Variants in SLC2A9 observed in about 807,000 individuals in gnomAD.
SLC2A9 encodes solute carrier family 2 member 9.
Under a neutral mutation model 50.6 loss-of-function variants are expected in SLC2A9, and 39 were observed. The observed-to-expected ratio is 0.77, with a 90% confidence interval of 0.60 to 1.01. SLC2A9 has a LOEUF of 1.01. Ranked by LOEUF, SLC2A9 falls within the 50% of genes least tolerant of loss-of-function variation. The pLI is 0.00. For missense variants in SLC2A9, 686 were observed against 677.6 expected (o/e 1.01, Z -0.14); for synonymous variants, 324 against 276.9 (o/e 1.17, Z -1.69).
At chr4:9,844,047 G>T (rs1021811115) in intron 10 of SLC2A9, among the ~76,000 whole-genome samples, 2 of 150,560 alleles carry the variant, frequency 1.3e-5, no homozygotes, top group Admixed American at 6.7e-5. Context: ...TAGGACTCTA[G>T]GTAAAATAAA....
intron 8 of SLC2A9, among the ~76,000 whole-genome samples, chr4:9,894,832 G>A (rs527328238): frequency 5.5e-4 from 84 of 152,298 alleles, no homozygotes; most frequent in African/African-American, 1.9e-3. Context: ...AATGTGCCAT[G>A]GAAGAGCATC....
chr4:9,974,794 C>T (rs1358804896), intron 5 of SLC2A9, among the ~76,000 whole-genome samples: 1 of 151,994 alleles, frequency 6.6e-6, no homozygotes, highest in African/African-American at 2.4e-5. Flanking sequence ...CCAAATAGCC[C>T]AAGCCATCCT....
At chr4:9,775,646 C>A (rs369543699), downstream of SLC2A9, among the ~76,000 whole-genome samples, 7 of 151,922 alleles carry the variant, frequency 4.6e-5, no homozygotes, top group African/African-American at 1.7e-4. Flanking sequence ...CCACACCCAC[C>A]GACTCTCTCT....
At chr4:9,793,454 T>C (rs371884832) in intron 3 of SLC2A9, among the ~76,000 whole-genome samples, 73 of 152,342 alleles carry the variant, frequency 4.8e-4, no homozygotes, top group African/African-American at 1.7e-3. Context: ...ACAAACAAGT[T>C]CATGCCCTAT....
At chr4:9,994,467 T>A (rs1170200372) in intron 3 of SLC2A9, among the ~76,000 whole-genome samples, 1 of 152,146 alleles carries the variant, frequency 6.6e-6, no homozygotes, top group Non-Finnish European at 1.5e-5. Flanking sequence ...CATCCTTTGA[T>A]CTGATCTTTT....
At chr4:9,972,209 C>T (rs1210410702) in intron 5 of SLC2A9, among the ~76,000 whole-genome samples, 3 of 152,102 alleles carry the variant, frequency 2.0e-5, no homozygotes, top group Non-Finnish European at 4.4e-5. Context: ...AGTGGGAGCT[C>T]AAAGTTAATC....
downstream of SLC2A9, among the ~76,000 whole-genome samples, chr4:9,823,798 GA>G (rs542525936): frequency 6.6e-6 from 1 of 152,124 alleles, no homozygotes; most frequent in African/African-American, 2.4e-5. Flanking sequence ...ATACAAAGTG[GA>G]AAAAATAGAA....
intron 5 of SLC2A9, among the ~76,000 whole-genome samples, chr4:9,963,738 T>G (rs983764447): frequency 7.9e-5 from 12 of 152,100 alleles, no homozygotes; most frequent in Non-Finnish European, 1.3e-4. Context: ...GGCTGGGAGG[T>G]GGGACCCGCA....
Position 9,882,711 on chromosome 4 carries a change from G to GAA in SLC2A9, c.1291+4854_1291+4855dup, listed in dbSNP as rs11355082. On this transcript the variant is annotated intron_variant, in intron 10 of 11. Transcript: ENST00000264784. ...GCAACAGAGTGAGACTCTGTCTCAA[G>GAA]AAAAAAAAAAAAAAAAAGGATTAGT... Among the ~76,000 whole-genome samples, 143 of 118,908 alleles carry GAA rather than the reference G, an allele frequency of 1.2e-3. 3 individuals are homozygous for GAA. Among genetic ancestry groups the GAA allele is most frequent in the Non-Finnish European group, 1.2e-3 (73 of 60,986 alleles). 78.0% of individuals were successfully genotyped at this position (118,908 alleles called of 152,430 possible). A position where few individuals can be genotyped will look rare whatever the true frequency, so the allele number is the denominator to read the frequency against.
intron 9 of SLC2A9, among the ~76,000 whole-genome samples, chr4:9,888,270 TAC>T (rs956237489): frequency 8.9e-6 from 1 of 112,114 alleles, no homozygotes; most frequent in African/African-American, 5.2e-5. Context: ...AGTATATATA[TAC>T]ATATATATAT....
chr4:9,806,676 G>T (rs956096649), intron 3 of SLC2A9, among the ~76,000 whole-genome samples: 1 of 152,226 alleles, frequency 6.6e-6, no homozygotes, highest in African/African-American at 2.4e-5. Flanking sequence ...GTGTGCATGG[G>T]GGGTGGGAGG....
In SLC2A9 at chr4:10,030,605, T is replaced by C. The variant is rs1284720927; in HGVS notation, c.-40-4599A>G. 2.0e-5 allele frequency among the ~76,000 whole-genome samples: 3 copies of C among 152,150 alleles called. 1 individual carries two copies. The East Asian group carries it at 5.8e-4, about 29-fold the overall frequency. ...TAGGGGGGCAGGTGGGAAATCTCTG[T>C]ACCTTCCTCATAATTTTTCTGTGAA... On this transcript the variant is annotated intron_variant, in intron 1 of 12. Coordinates refer to the SLC2A9 transcript ENST00000309065.
At chr4:9,810,375 C>T (rs549058363) in intron 3 of SLC2A9, among the ~76,000 whole-genome samples, 1 of 152,168 alleles carries the variant, frequency 6.6e-6, no homozygotes, top group Non-Finnish European at 1.5e-5. Flanking sequence ...GGGGACAATA[C>T]CTAGAGGCAG....
At chr4:9,776,184 T>TCTC (rs1491242379), downstream of SLC2A9, among the ~76,000 whole-genome samples, 100 of 133,720 alleles carry the variant, frequency 7.5e-4, 2 homozygotes, top group African/African-American at 2.6e-3. Context: ...GAAGTCTTTC[T>TCTC]TTCTTTTTTT....
chr4:9,907,049 T>TG, intron 8 of SLC2A9, among the ~76,000 whole-genome samples: 1 of 152,248 alleles, frequency 6.6e-6, no homozygotes, highest in Non-Finnish European at 1.5e-5. Context: ...GAAAGACAAT[T>TG]GCAAGCCTCT....
intron 5 of SLC2A9, among the ~76,000 whole-genome samples, chr4:9,952,823 G>C (rs746434080): frequency 5.9e-5 from 9 of 152,166 alleles, no homozygotes; most frequent in Non-Finnish European, 1.2e-4. Flanking sequence ...GGTGTTTACA[G>C]CCGTGCAAGA....
intron 10 of SLC2A9, among the ~76,000 whole-genome samples, chr4:9,842,731 A>C (rs1728276185): frequency 6.6e-6 from 1 of 152,232 alleles, no homozygotes; most frequent in African/African-American, 2.4e-5. Flanking sequence ...CCAACAGTCC[A>C]ATATAGCTTA....
chr4:9,861,375 G>C (rs1032907760), intron 10 of SLC2A9, among the ~76,000 whole-genome samples: 11 of 151,890 alleles, frequency 7.2e-5, no homozygotes, highest in African/African-American at 2.7e-4. Flanking sequence ...AGTACAGGGG[G>C]GATGGTGCTA....
In SLC2A9 at chr4:9,924,733, T is replaced by C. The variant is rs116692722; in HGVS notation, c.815-4161A>G. On this transcript the variant is annotated intron_variant, in intron 6 of 11. Coordinates refer to ENST00000264784, the MANE Select transcript of SLC2A9 (RefSeq NM_020041.3). ...AACTTCCCATCTTCAAAACCTTGAC[T>C]CAGGCTTTGGGGGCACCTGACAACA... Among the ~76,000 whole-genome samples the C allele has an allele frequency of 4.6e-3, 708 of 152,298 alleles. 8 individuals are homozygous for C. The highest frequency in any genetic ancestry group is 0.016 in the African/African-American group (675 of 41,564).
Sources: allele counts gnomAD v4.1 joint callset (sites outside exome capture counted in the v4.1 genomes callset), GRCh38; gene constraint gnomAD v4.1.1; transcripts MANE v1.5; gene names NCBI Gene and HGNC (gene_info 2026-07-23, HGNC 2026-07-21).